PTPRD: variants seen among roughly 807,000 people sequenced by gnomAD.
PTPRD encodes the protein protein tyrosine phosphatase receptor type D.
PTPRD carries 34 observed loss-of-function variants against 214.5 expected under a neutral mutation model. The ratio of observed to expected loss-of-function variants is 0.16; its 90% confidence interval spans 0.12 to 0.21. The LOEUF is 0.21. Ranked by LOEUF, PTPRD falls within the 10% of genes least tolerant of loss-of-function variation. PTPRD has a pLI of 1.00. For missense variants in PTPRD, 2,545 were observed against 2,398.7 expected (o/e 1.06, Z -1.27); for synonymous variants, 1,128 against 845.7 (o/e 1.33, Z -5.79).
chr9:9,898,872 C>T (rs2075707806), intron 5 of PTPRD, among the ~76,000 whole-genome samples: 1 of 152,054 alleles, frequency 6.6e-6, no homozygotes, highest in South Asian at 2.1e-4. Context: ...AATCTCTGTG[C>T]ATAGTGACTA....
chr9:9,823,405 C>G (rs1387736644), intron 5 of PTPRD, among the ~76,000 whole-genome samples: 1 of 152,054 alleles, frequency 6.6e-6, no homozygotes, highest in Non-Finnish European at 1.5e-5. Context: ...AAAGACAGCA[C>G]AAGCCTGGAG....
At chr9:10,295,024 G>A (rs372993739) in intron 3 of PTPRD, among the ~76,000 whole-genome samples, 5 of 151,838 alleles carry the variant, frequency 3.3e-5, no homozygotes, top group East Asian at 1.9e-4. Flanking sequence ...GATTTAATAC[G>A]ACATACTGAT....
intron 11 of PTPRD, among the ~76,000 whole-genome samples, chr9:8,819,563 A>G (rs1229580171): frequency 6.6e-6 from 1 of 152,114 alleles, no homozygotes; most frequent in Non-Finnish European, 1.5e-5. Context: ...TGAGAGGCTG[A>G]GGCAAGAGAA....
rs546316048 is a variant in PTPRD at position 9,236,377 on chromosome 9, A to G, written c.-202-53014T>C. ...TAAAAATGGACACAAAGGAGTATAA[A>G]AGCTAGCCTTAGATACTCCTTTAAT... On this transcript the variant is annotated intron_variant, in intron 9 of 45. Transcript: ENST00000381196. Among the ~76,000 whole-genome samples the G allele has an allele frequency of 7.9e-5, 12 of 152,204 alleles. No homozygotes were observed. The South Asian group carries it at 2.5e-3, about 32-fold the overall frequency.
At chr9:9,748,050 C>A (rs1357067735) in intron 6 of PTPRD, among the ~76,000 whole-genome samples, 2 of 152,118 alleles carry the variant, frequency 1.3e-5, no homozygotes, top group Admixed American at 1.3e-4. Context: ...ATGGCATGAA[C>A]TGAATGGCAT....
intron 10 of PTPRD, among the ~76,000 whole-genome samples, chr9:9,162,249 G>A (rs1195018340): frequency 1.3e-5 from 2 of 152,074 alleles, no homozygotes; most frequent in African/African-American, 4.8e-5. Flanking sequence ...ATACATTCAT[G>A]ATTGCTAATC....
chr9:8,569,309 TA>T (rs909386676), intron 14 of PTPRD, among the ~76,000 whole-genome samples: 10 of 152,278 alleles, frequency 6.6e-5, no homozygotes, highest in Non-Finnish European at 1.5e-4. Context: ...TATCCAATGT[TA>T]CCCAAATCAT....
chr9:10,401,176 T>C (rs985347622), intron 2 of PTPRD, among the ~76,000 whole-genome samples: 6 of 151,772 alleles, frequency 4.0e-5, no homozygotes, highest in African/African-American at 1.4e-4. Flanking sequence ...ATGACCGTTT[T>C]CTTTTTCCGC....
chr9:9,583,172 C>A lies in PTPRD; in HGVS notation c.-286-8391G>T, dbSNP rs574097500. 3.9e-5 allele frequency among the ~76,000 whole-genome samples: 6 copies of A among 152,022 alleles called. No homozygotes were observed. In the South Asian group the frequency reaches 6.2e-4, roughly 16 times the overall value. ...AAATCTCTAAATAAACTTTCATACT[C>A]CTTCAAAAAGTATACAATGAAAGTG... On this transcript the variant is annotated intron_variant, in intron 7 of 45. Coordinates refer to ENST00000381196, the MANE Select transcript of PTPRD (RefSeq NM_002839.4).
intron 5 of PTPRD, among the ~76,000 whole-genome samples, chr9:9,876,540 T>TA: frequency 6.6e-6 from 1 of 152,326 alleles, no homozygotes; most frequent in South Asian, 2.1e-4. Context: ...AAACACTTGT[T>TA]AAACCACCTC....
intron 14 of PTPRD, among the ~76,000 whole-genome samples, chr9:8,582,490 A>G (rs1032775096): frequency 6.6e-6 from 1 of 152,128 alleles, no homozygotes; most frequent in African/African-American, 2.4e-5. Context: ...CTGTGAAACT[A>G]TTTTTTTCAA....
chr9:8,760,800 A>T (rs997054914), intron 11 of PTPRD, among the ~76,000 whole-genome samples: 1 of 152,188 alleles, frequency 6.6e-6, no homozygotes, highest in African/African-American at 2.4e-5. Context: ...ACAAGAAAAA[A>T]ACAAAAGGTT....
At chr9:8,714,533 C>T (rs1395734386) in intron 12 of PTPRD, among the ~76,000 whole-genome samples, 2 of 152,172 alleles carry the variant, frequency 1.3e-5, no homozygotes, top group African/African-American at 4.8e-5. Context: ...ATTATAGGAT[C>T]TCTGTACAAG....
chr9:9,034,725 G>A (rs975870510), intron 10 of PTPRD, among the ~76,000 whole-genome samples: 1 of 152,084 alleles, frequency 6.6e-6, no homozygotes, highest in Non-Finnish European at 1.5e-5. Flanking sequence ...GTCCAGAGGC[G>A]AGTTATCCAT....
At chr9:9,553,737 TTAAG>T (rs1279300324) in intron 8 of PTPRD, among the ~76,000 whole-genome samples, 1 of 151,996 alleles carries the variant, frequency 6.6e-6, no homozygotes, top group African/African-American at 2.4e-5. Flanking sequence ...GAAGAAAATA[TTAAG>T]TTTTATACTT....
At chr9:8,762,801 T>C (rs1040071621) in intron 11 of PTPRD, among the ~76,000 whole-genome samples, 2 of 152,310 alleles carry the variant, frequency 1.3e-5, no homozygotes, top group East Asian at 1.9e-4. Context: ...CTCAGAGATA[T>C]AGCTATATAG....
intron 12 of PTPRD, among the ~76,000 whole-genome samples, chr9:8,663,259 C>A (rs890629791): frequency 6.9e-6 from 1 of 145,326 alleles, no homozygotes. Flanking sequence ...CTTTCCAAAA[C>A]GAAACTAGTA....
intron 9 of PTPRD, among the ~76,000 whole-genome samples, chr9:9,369,984 A>T (rs1010091256): frequency 2.6e-5 from 4 of 152,120 alleles, no homozygotes; most frequent in African/African-American, 9.7e-5. Flanking sequence ...CTGTTTTGGT[A>T]CCATTACCAC....
At chr9:10,051,976 G>A (rs936556079) in intron 3 of PTPRD, among the ~76,000 whole-genome samples, 4 of 151,952 alleles carry the variant, frequency 2.6e-5, no homozygotes, top group Non-Finnish European at 4.4e-5. Context: ...ACAAGGTTTT[G>A]CTCTGTTACC....
Sources: allele counts gnomAD v4.1 joint callset (sites outside exome capture counted in the v4.1 genomes callset), GRCh38; gene constraint gnomAD v4.1.1; transcripts MANE v1.5; gene names NCBI Gene and HGNC (gene_info 2026-07-23, HGNC 2026-07-21).